The following XYLT1 variants were observed in gnomAD, a reference collection of about 807,000 sequenced individuals.
The protein encoded by XYLT1 is xylosyltransferase 1, also known as beta-D-xylosyltransferase 1.
A neutral mutation model predicts 91.3 loss-of-function variants in XYLT1; 36 were observed. That is an observed-to-expected ratio of 0.39 (90% CI 0.30 to 0.52). The LOEUF (loss-of-function observed/expected upper bound fraction) is 0.52, where lower values mean the gene tolerates loss of function less well. Among genes scored for constraint, XYLT1 ranks in the 20% least tolerant of loss-of-function variants. XYLT1 has a pLI of 0.68. For missense variants in XYLT1, 1,242 were observed against 1,284.5 expected, an observed-to-expected ratio of 0.97 and a Z score of 0.51; for synonymous variants, 588 against 532.0, an observed-to-expected ratio of 1.11 and a Z score of -1.45.
At chr16:17,370,381 C>A in intron 1 of XYLT1, among the ~76,000 whole-genome samples, 1 of 152,208 alleles carries the variant, frequency 6.6e-6, no homozygotes, top group African/African-American at 2.4e-5. Context: ...GTTGGGGGAC[C>A]CTCGCTCACA....
chr16:17,200,926 G>A (rs978181874), intron 3 of XYLT1, among the ~76,000 whole-genome samples: 19 of 152,220 alleles, frequency 1.2e-4, no homozygotes, highest in African/African-American at 3.1e-4. Flanking sequence ...CACATATTAA[G>A]CTACTGAACA....
At chr16:17,308,944 G>A (rs1309739811) in intron 2 of XYLT1, among the ~76,000 whole-genome samples, 6 of 150,982 alleles carry the variant, frequency 4.0e-5, no homozygotes, top group African/African-American at 1.2e-4. Context: ...GGTTGATGGA[G>A]ACAAAAGATC....
At chr16:17,275,742 C>T (rs891006045) in intron 2 of XYLT1, among the ~76,000 whole-genome samples, 2 of 152,222 alleles carry the variant, frequency 1.3e-5, no homozygotes, top group Admixed American at 1.3e-4. Flanking sequence ...TCCTCCCCAA[C>T]ATTCTCCGAT....
chr16:17,444,159 ACCT>A (rs1283558574), intron 1 of XYLT1, among the ~76,000 whole-genome samples: 1 of 151,956 alleles, frequency 6.6e-6, no homozygotes, highest in African/African-American at 2.4e-5. Context: ...TGCGAATATC[ACCT>A]CCTCAAGGAG....
chr16:17,354,588 A>C (rs73523098), intron 2 of XYLT1: 12,688 of 152,270 alleles, frequency 0.083, 645 homozygotes, highest in African/African-American at 0.15. Context: ...AGGCAGGCTA[A>C]CCTGTGACAG....
chr16:17,272,160 T>G (rs2033905953), intron 2 of XYLT1, among the ~76,000 whole-genome samples: 2 of 136,266 alleles, frequency 1.5e-5, no homozygotes, highest in East Asian at 2.1e-4. Flanking sequence ...TTGGTTTTTT[T>G]TTTTTTTTTT....
chr16:17,134,403 C>A, intron 9 of XYLT1, 70 bp downstream of exon 9: 3 of 1,574,026 alleles, frequency 1.9e-6, no homozygotes, highest in Non-Finnish European at 2.6e-6. Flanking sequence ...GAAGAAGGAC[C>A]CCCACTCTGT....
At chr16:17,176,301 A>G (rs113047133) in intron 5 of XYLT1, among the ~76,000 whole-genome samples, 3,876 of 152,324 alleles carry the variant, frequency 0.025, 75 homozygotes, top group South Asian at 0.067. Context: ...CACCATCACT[A>G]TCATCGTTTC....
rs1419357858 is a variant in XYLT1 at position 17,107,630 on chromosome 16, G to C, written c.*1065C>G. 6.5e-6 allele frequency: 1 copy of C among 152,778 alleles called. No homozygotes were observed. Among genetic ancestry groups the C allele is most frequent in the Non-Finnish European group, 1.5e-5 (1 of 68,132 alleles). The allele number at this position is 152,778 out of a possible 1,614,324, so 9.5% of individuals were successfully genotyped here. On this transcript the variant is annotated 3_prime_UTR_variant, in exon 12 of 12. Coordinates refer to ENST00000261381, the MANE Select transcript of XYLT1 (RefSeq NM_022166.4). ...TGGTCACTCCCAACAGCACCGGTGT[G>C]CAATTGACGAAGGTTTTGTGTGTCT...
intron 2 of XYLT1, among the ~76,000 whole-genome samples, chr16:17,319,989 C>T (rs947919877): frequency 6.6e-6 from 1 of 152,150 alleles, no homozygotes; most frequent in Non-Finnish European, 1.5e-5. Context: ...TCTTTCTGCC[C>T]AGAACAGCCT....
chr16:17,425,014 C>G (rs1480997779), intron 1 of XYLT1, among the ~76,000 whole-genome samples: 2 of 152,194 alleles, frequency 1.3e-5, no homozygotes, highest in African/African-American at 4.8e-5. Context: ...TGGCATCAGC[C>G]TCCACCCTTG....
intron 1 of XYLT1, among the ~76,000 whole-genome samples, chr16:17,430,446 T>A (rs1032037231): frequency 2.0e-5 from 3 of 152,250 alleles, no homozygotes; most frequent in Non-Finnish European, 4.4e-5. Context: ...ACACTCAGCC[T>A]GTACATGGTT....
chr16:17,238,953 C>T (rs2033292733), intron 3 of XYLT1, among the ~76,000 whole-genome samples: 1 of 152,176 alleles, frequency 6.6e-6, no homozygotes, highest in African/African-American at 2.4e-5. Context: ...AGTAATTTCT[C>T]CATTTCAGTC....
intron 1 of XYLT1, among the ~76,000 whole-genome samples, chr16:17,400,628 GGAGGAAGGA>G (rs2035953070): frequency 5.9e-5 from 8 of 136,264 alleles, no homozygotes; most frequent in African/African-American, 2.0e-4. Context: ...AGGGAGGAAG[GGAGGAAGGA>G]AGGAAGGAAG....
chr16:17,339,868 T>A (rs2035040280), intron 2 of XYLT1, among the ~76,000 whole-genome samples: 1 of 151,588 alleles, frequency 6.6e-6, no homozygotes, highest in Non-Finnish European at 1.5e-5. Context: ...CTTTTCTCCC[T>A]TCCATCTGTG....
intron 3 of XYLT1, among the ~76,000 whole-genome samples, chr16:17,242,276 C>G (rs556144639): frequency 1.1e-4 from 17 of 151,838 alleles, no homozygotes; most frequent in African/African-American, 4.1e-4. Flanking sequence ...ACAGACATGC[C>G]TATTCATTTA....
chr16:17,393,868 T>C (rs9937062), intron 1 of XYLT1, among the ~76,000 whole-genome samples: 53,335 of 151,794 alleles, frequency 0.35, 10,115 homozygotes, highest in African/African-American at 0.45. Flanking sequence ...CTCCGCCTCC[T>C]GGGTTCACAC....
intron 1 of XYLT1, among the ~76,000 whole-genome samples, chr16:17,423,462 T>C (rs1294772658): frequency 6.6e-6 from 1 of 152,086 alleles, no homozygotes; most frequent in Non-Finnish European, 1.5e-5. Context: ...TGAATACCAA[T>C]CAGCCTGCGA....
At chr16:17,310,705 C>T (rs1173945286) in intron 2 of XYLT1, among the ~76,000 whole-genome samples, 1 of 152,050 alleles carries the variant, frequency 6.6e-6, no homozygotes, top group East Asian at 1.9e-4. Flanking sequence ...AAAAATTAGC[C>T]AGGCGTGGTG....
Sources: gnomAD v4.1 joint callset for allele counts (sites outside exome capture counted in the v4.1 genomes callset) on GRCh38, gnomAD v4.1.1 for gene constraint, MANE v1.5 for transcripts, NCBI Gene and HGNC (gene_info 2026-07-23, HGNC 2026-07-21) for gene names.